The following GPR158 variants were observed in gnomAD, a reference collection of about 807,000 sequenced individuals.
GPR158 encodes the protein G protein-coupled receptor 158.
Under a neutral mutation model 78.2 loss-of-function variants are expected in GPR158, and 30 were observed. The ratio of observed to expected loss-of-function variants is 0.38; its 90% CI spans 0.29 to 0.52. The LOEUF is 0.52. GPR158 is among the 20% of genes least tolerant of loss of function. The pLI is 0.83. For synonymous variants in GPR158, 581 were observed against 591.1 expected, an observed-to-expected ratio of 0.98 and a Z score of 0.25; for missense variants, 1,463 against 1,523.5, an observed-to-expected ratio of 0.96 and a Z score of 0.66.
At chr10:25,199,641 A>G (rs1282415719) in intron 1 of GPR158, among the ~76,000 whole-genome samples, 4 of 150,350 alleles carry the variant, frequency 2.7e-5, no homozygotes, top group African/African-American at 7.4e-5. Flanking sequence ...GTAAGTTCTC[A>G]TGAGATCTGA....
At chr10:25,430,852 A>C (rs958732788) in intron 4 of GPR158, among the ~76,000 whole-genome samples, 8 of 151,924 alleles carry the variant, frequency 5.3e-5, no homozygotes, top group African/African-American at 1.9e-4. Flanking sequence ...ACCTTATACA[A>C]AAATTAATTC....
Position 25,182,558 on chromosome 10 carries a change from A to G in GPR158, c.902+6236A>G, listed in dbSNP as rs183830815. The stretch of plus-strand genomic sequence containing the variant: ...AACTGCAAAATAAATTACAAGAGTT[A>G]TGCTTACTGTCTGGAGAGATAACTG... On this transcript the variant is annotated intron_variant, in intron 1 of 10. Coordinates refer to ENST00000376351, the MANE Select transcript of GPR158 (RefSeq NM_020752.3). 1.4e-3 allele frequency among the ~76,000 whole-genome samples: 209 copies of G among 152,354 alleles called. 1 individual carries two copies. The highest frequency in any genetic ancestry group is 4.7e-3 in the African/African-American group (197 of 41,588).
chr10:25,517,731 C>T (rs1242473986), intron 5 of GPR158, among the ~76,000 whole-genome samples: 1 of 151,232 alleles, frequency 6.6e-6, no homozygotes, highest in East Asian at 1.9e-4. Context: ...CCCACTTGAT[C>T]ATGGTGGATA....
chr10:25,480,731 C>T (rs1226634736), intron 5 of GPR158, among the ~76,000 whole-genome samples: 1 of 152,080 alleles, frequency 6.6e-6, no homozygotes, highest in African/African-American at 2.4e-5. Flanking sequence ...TTGATTCATC[C>T]GTCACTGGAC....
At chr10:25,338,487 TATAATATAC>T (rs1159708717) in intron 2 of GPR158, among the ~76,000 whole-genome samples, 11 of 132,308 alleles carry the variant, frequency 8.3e-5, no homozygotes, top group East Asian at 8.2e-4. Flanking sequence ...ATAATATACG[TATAATATAC>T]GTATATATAT....
intron 5 of GPR158, among the ~76,000 whole-genome samples, chr10:25,539,575 G>T (rs1836547007): frequency 6.6e-6 from 1 of 150,766 alleles, no homozygotes; most frequent in Non-Finnish European, 1.5e-5. Flanking sequence ...TTTTGGAGAG[G>T]ATGTATTGGG....
chr10:25,457,116 G>A (rs867483721), intron 4 of GPR158, among the ~76,000 whole-genome samples: 1 of 142,404 alleles, frequency 7.0e-6, no homozygotes, highest in Non-Finnish European at 1.5e-5. Flanking sequence ...GGGATTACAG[G>A]TGCCTGCCAG....
intron 2 of GPR158, among the ~76,000 whole-genome samples, chr10:25,275,043 A>C (rs1854164921): frequency 6.6e-6 from 1 of 152,204 alleles, no homozygotes; most frequent in Admixed American, 6.5e-5. Context: ...GCTACTTTTC[A>C]TGATATTTTC....
intron 8 of GPR158, among the ~76,000 whole-genome samples, chr10:25,590,815 T>A (rs1023805458): frequency 1.3e-5 from 2 of 152,156 alleles, no homozygotes; most frequent in Non-Finnish European, 2.9e-5. Context: ...CTGCTAGATT[T>A]TTTTAGAAAA....
intron 2 of GPR158, among the ~76,000 whole-genome samples, chr10:25,381,251 G>T (rs1834150286): frequency 6.6e-6 from 1 of 152,188 alleles, no homozygotes; most frequent in African/African-American, 2.4e-5. Flanking sequence ...TAGATTCAAT[G>T]ATGTGAACAT....
intron 4 of GPR158, among the ~76,000 whole-genome samples, chr10:25,445,383 T>C (rs1169135848): frequency 6.6e-6 from 1 of 152,194 alleles, no homozygotes; most frequent in African/African-American, 2.4e-5. Flanking sequence ...ATGTAGGCTC[T>C]GGAATGTTTC....
rs758038516 is a variant in GPR158, at chr10:25,598,444, G to A, written c.2818G>A (p.Glu940Lys). 6.2e-7 allele frequency: 1 copy of A among 1,614,068 alleles called. No individual in the cohort carries two copies. The highest frequency in any genetic ancestry group is 2.2e-5 in the East Asian group (1 of 44,868). ...KSQKPLPKDK[E>K]TNRNHSNSDN... is the part of the protein sequence containing the mutation. ...CCAGAAACCTTTGCCAAAAGATAAA[G>A]AGACAAACAGAAATCACTCAAATTC... Residue 940 changes from glutamate (E) to lysine (K), a missense_variant, in exon 11 of 11, where the codon GAG becomes AAG. Coordinates refer to ENST00000376351, the MANE Select transcript of GPR158 (RefSeq NM_020752.3).
chr10:25,326,403 G>A (rs7918180), intron 2 of GPR158, among the ~76,000 whole-genome samples: 21,959 of 151,952 alleles, frequency 0.14, 3,086 homozygotes, highest in African/African-American at 0.37. Flanking sequence ...TTGCTATTGA[G>A]TTTTTTTGAG....
chr10:25,184,737 C>T (rs1852657493), intron 1 of GPR158, among the ~76,000 whole-genome samples: 1 of 152,190 alleles, frequency 6.6e-6, no homozygotes, highest in Admixed American at 6.5e-5. Context: ...TATGTCTCTC[C>T]TTTCTAAAGT....
At chr10:25,312,823 G>A (rs1203406257) in intron 2 of GPR158, among the ~76,000 whole-genome samples, 1 of 152,110 alleles carries the variant, frequency 6.6e-6, no homozygotes, top group African/African-American at 2.4e-5. Flanking sequence ...AGTGGTTACA[G>A]TGAAGAATAC....
intron 2 of GPR158, among the ~76,000 whole-genome samples, chr10:25,239,333 G>T (rs1853572249): frequency 6.6e-6 from 1 of 152,108 alleles, no homozygotes; most frequent in South Asian, 2.1e-4. Flanking sequence ...AGGCATGGTG[G>T]CTGATGCCTG....
chr10:25,179,347 A>G (rs569418972), intron 1 of GPR158, among the ~76,000 whole-genome samples: 1 of 152,302 alleles, frequency 6.6e-6, no homozygotes, highest in African/African-American at 2.4e-5. Context: ...TATAACAGAA[A>G]ATCCATTGAT....
intron 2 of GPR158, among the ~76,000 whole-genome samples, chr10:25,389,469 A>C (rs931521444): frequency 6.6e-6 from 1 of 152,004 alleles, no homozygotes; most frequent in Admixed American, 6.5e-5. Context: ...TCGTTGGAAC[A>C]CTCTGGCTAC....
chr10:25,466,386 C>T (rs1466531241), intron 4 of GPR158: 3 of 354,234 alleles, frequency 8.5e-6, no homozygotes, highest in South Asian at 1.3e-4. Flanking sequence ...TTCTTAGCTG[C>T]TCAGGCTTTT....
Sources: gnomAD v4.1 joint callset for allele counts (sites outside exome capture counted in the v4.1 genomes callset) on GRCh38, gnomAD v4.1.1 for gene constraint, MANE v1.5 for transcripts, NCBI Gene and HGNC (gene_info 2026-07-23, HGNC 2026-07-21) for gene names.